The following LRPPRC variants were observed in gnomAD, a reference collection of about 807,000 sequenced individuals.
LRPPRC encodes the protein leucine rich pentatricopeptide repeat containing, also known as leucine-rich PPR motif-containing protein, mitochondrial.
LRPPRC carries 120 observed loss-of-function variants against 180.3 expected under a neutral mutation model. That is an observed-to-expected ratio of 0.67 (90% confidence interval 0.57 to 0.77). The LOEUF (loss-of-function observed/expected upper bound fraction) is 0.77. Ranked by LOEUF, LRPPRC falls within the 30% of genes least tolerant of loss-of-function variation. The pLI, the probability that LRPPRC is intolerant of heterozygous loss-of-function variation, is 0.00. For missense variants in LRPPRC, 2,012 were observed against 1,657.2 expected (o/e 1.21, Z -3.72); for synonymous variants, 723 against 600.0 (o/e 1.21, Z -3.00).
intron 25 of LRPPRC, 75 bp from the exon 26 acceptor site, chr2:43,926,036 T>C (rs976774721): frequency 4.6e-6 from 4 of 875,344 alleles, no homozygotes; most frequent in Admixed American, 1.8e-5. Flanking sequence ...CAAAGACAGT[T>C]TCTTTTCTTA....
At chr2:43,927,973 TA>T (rs1671949898) in intron 25 of LRPPRC, among the ~76,000 whole-genome samples, 1 of 152,262 alleles carries the variant, frequency 6.6e-6, no homozygotes, top group African/African-American at 2.4e-5. Context: ...GAAAATGTAA[TA>T]AAAACATGGA....
chr2:43,915,226 TCTCTCTCA>T lies in LRPPRC; in HGVS notation c.3149-2676_3149-2669del, dbSNP rs1168607310. ...CTCTCTCTCTCTCTCTCTCTCTCTC[TCTCTCTCA>T]CACACACACACACACACACACACAC... On this transcript the variant is annotated intron_variant, in intron 29 of 37. Transcript: ENST00000260665. Among the ~76,000 whole-genome samples, 566 of 83,996 alleles carry T rather than the reference TCTCTCTCA, an allele frequency of 6.7e-3. 1 individual carries two copies. Among genetic ancestry groups the T allele is most frequent in the East Asian group, 9.8e-3 (29 of 2,974 alleles). 55.1% of individuals were successfully genotyped at this position (83,996 alleles called of 152,430 possible).
rs1364754898 is a variant in LRPPRC at position 43,995,976 on chromosome 2, C to A, written c.-29G>T. On this transcript the variant is annotated 5_prime_UTR_variant, in exon 1 of 38. Transcript: ENST00000260665. ...TCGAACGTCCCCGCAGCGGGAAGCACGCTCCGCCAGAAGGACAGGAGGAGC... is the reference window on the plus strand; with the variant it reads ...TCGAACGTCCCCGCAGCGGGAAGCAAGCTCCGCCAGAAGGACAGGAGGAGC... 6.6e-7 allele frequency: 1 copy of A among 1,523,304 alleles called. No individual in the cohort carries two copies. Among genetic ancestry groups the A allele is most frequent in the Non-Finnish European group, 8.8e-7 (1 of 1,141,992 alleles). 94.4% of individuals were successfully genotyped at this position (1,523,304 alleles called of 1,614,324 possible).
At chr2:43,939,198 A>G (rs1672385258) in intron 23 of LRPPRC, among the ~76,000 whole-genome samples, 1 of 151,656 alleles carries the variant, frequency 6.6e-6, no homozygotes, top group South Asian at 2.1e-4. Flanking sequence ...GGAGAATGGC[A>G]TCAACCCAGG....
intron 35 of LRPPRC, among the ~76,000 whole-genome samples, chr2:43,895,500 G>A (rs1490297657): frequency 1.3e-5 from 2 of 152,156 alleles, no homozygotes; most frequent in African/African-American, 4.8e-5. Context: ...CAGTCCCACA[G>A]GTGGACTGAC....
At chr2:43,985,284 A>G (rs550840718) in intron 1 of LRPPRC, among the ~76,000 whole-genome samples, 1 of 152,212 alleles carries the variant, frequency 6.6e-6, no homozygotes, top group Non-Finnish European at 1.5e-5. Context: ...CATTTCCCCT[A>G]GTAACATTTT....
intron 27 of LRPPRC, among the ~76,000 whole-genome samples, chr2:43,919,561 C>G (rs1671622766): frequency 1.3e-5 from 2 of 152,168 alleles, no homozygotes; most frequent in Admixed American, 6.5e-5. Context: ...AGGCAGATCC[C>G]TTCATATTGA....
chr2:43,991,975 G>A (rs1403349148), intron 1 of LRPPRC, among the ~76,000 whole-genome samples: 2 of 152,124 alleles, frequency 1.3e-5, no homozygotes, highest in Non-Finnish European at 2.9e-5. Flanking sequence ...ACAAACATTT[G>A]ACACCTACTA....
In LRPPRC at chr2:43,925,153, TCA is replaced by T; in HGVS notation, c.2808_2809del (p.Glu937AsnfsTer14). Reference sequence around the variant, plus strand: ...CAGCTCCACTAATTTTTCCAGAGTTTCAACCTTAAAAGTAAGATTAAGAGATA... The same window carrying T: ...CAGCTCCACTAATTTTTCCAGAGTTTACCTTAAAAGTAAGATTAAGAGATA... On this transcript the variant is annotated frameshift_variant and splice_region_variant, in exon 27 of 38. Coordinates refer to ENST00000260665, the MANE Select transcript of LRPPRC (RefSeq NM_133259.4). LOFTEE classifies it high-confidence loss of function. 1 of 1,552,118 alleles carries T rather than the reference TCA, an allele frequency of 6.4e-7. No individual in the cohort carries two copies. The highest frequency in any genetic ancestry group is 8.9e-7 in the Non-Finnish European group (1 of 1,123,684).
At position 43,935,108 on chromosome 2, in the gene LRPPRC, C is replaced by G. The variant is rs141043630; in HGVS notation, c.2505-230G>C. On this transcript the variant is annotated intron_variant, in intron 23 of 37. Transcript: ENST00000260665. ...CAATCCACTATTTACCCTGCTTCATCTTTTATTATTTCGTGTGTTAAAGGG... is the reference window on the plus strand; with the variant it reads ...CAATCCACTATTTACCCTGCTTCATGTTTTATTATTTCGTGTGTTAAAGGG... 1.3e-4 allele frequency among the ~76,000 whole-genome samples: 20 copies of G among 152,278 alleles called. 1 individual carries two copies. The East Asian group carries it at 3.9e-3, about 29-fold the overall frequency.
intron 36 of LRPPRC, chr2:43,892,600 T>TG: frequency 6.6e-6 from 1 of 152,180 alleles, no homozygotes; most frequent in Non-Finnish European, 1.5e-5. Flanking sequence ...ACAGGGAGAT[T>TG]AATGTTGTTC....
rs1673913905 is a variant in LRPPRC at position 43,973,600 on chromosome 2, A to C, written c.1369+7T>G. On this transcript the variant is annotated splice_region_variant and intron_variant, in intron 11 of 37. Transcript: ENST00000260665. Reference sequence around the variant, plus strand: ...CCATTACAAATCGGTAAAAGGCAAAATCTAACCTTGAACATTTTTTTCCTT... The same window carrying C: ...CCATTACAAATCGGTAAAAGGCAAACTCTAACCTTGAACATTTTTTTCCTT... 1.2e-6 allele frequency: 2 copies of C among 1,600,554 alleles called. No individual in the cohort carries two copies. Among genetic ancestry groups the C allele is most frequent in the Non-Finnish European group, 1.7e-6 (2 of 1,167,638 alleles).
intron 7 of LRPPRC, 116 bp from the exon 8 acceptor site, chr2:43,974,874 C>A: frequency 8.9e-7 from 1 of 1,120,362 alleles, no homozygotes; most frequent in Non-Finnish European, 1.3e-6. Context: ...TAAAGGTTTA[C>A]GACTTCTTTT....
intron 29 of LRPPRC, 103 bp from the exon 30 acceptor site, chr2:43,912,661 T>A: frequency 1.2e-6 from 1 of 869,326 alleles, no homozygotes; most frequent in East Asian, 2.6e-5. Context: ...ATATTTTTGC[T>A]TTTTAATACC....
chr2:43,979,853 T>G lies in LRPPRC; in HGVS notation c.442A>C (p.Arg148=), dbSNP rs138378033. The G allele has an allele frequency of 1.6e-5, 26 of 1,613,326 alleles. No homozygotes were observed. In the East Asian group the frequency reaches 5.1e-4, roughly 32 times the overall value. ...KLEERTEFAH[R]IWDTLQKLGA... Reference sequence around the variant, plus strand: ...AATTTCTGAAGTGTGTCCCATATCCTATGAGCAAATTCTGTTCTCTCTTCA... The same window carrying G: ...AATTTCTGAAGTGTGTCCCATATCCGATGAGCAAATTCTGTTCTCTCTTCA... Residue 148 remains arginine (R), a synonymous_variant, in exon 3 of 38, where the codon AGG becomes CGG. Transcript: ENST00000260665.
Position 43,995,791 on chromosome 2 carries a change from G to A in LRPPRC, c.149+8C>T, listed in dbSNP as rs548205703. 1.7e-4 allele frequency: 242 copies of A among 1,383,556 alleles called. 2 individuals are homozygous for A. In the African/African-American group the frequency reaches 3.1e-3, roughly 18 times the overall value. 85.7% of individuals were successfully genotyped at this position (1,383,556 alleles called of 1,614,324 possible). A position where few individuals can be genotyped will look rare whatever the true frequency, so the allele number is the denominator to read the frequency against. ...CAGCTTGCCTGGAGAAAGGGCCTGG[G>A]CACTCACCCGGCCACGGGCCCGGCG... On this transcript the variant is annotated splice_region_variant and intron_variant, in intron 1 of 37. Transcript: ENST00000260665.
Position 43,974,721 on chromosome 2 carries a change from A to G in LRPPRC, c.902T>C (p.Met301Thr), listed in dbSNP as rs763045895. 1.2e-6 allele frequency: 2 copies of G among 1,613,804 alleles called. No homozygotes were observed. The highest frequency in any genetic ancestry group is 1.7e-5 in the Admixed American group (1 of 60,018). Residue 301 changes from methionine (M) to threonine (T), a missense_variant, in exon 8 of 38, where the codon ATG becomes ACG. By Grantham distance (81) the Met-to-Thr change is moderately conservative. Coordinates refer to ENST00000260665, the MANE Select transcript of LRPPRC (RefSeq NM_133259.4). ...EKVEKSELHL[M>T]DRDLLQIIFS... ...AATAATTTGCAGTAAATCACGGTCC[A>G]TAAGGTGAAGCTCGGACTTCTCCAC...
chr2:43,993,751 A>C (rs1674892298), intron 1 of LRPPRC, among the ~76,000 whole-genome samples: 1 of 145,548 alleles, frequency 6.9e-6, no homozygotes, highest in Admixed American at 6.8e-5. Context: ...AAAAAAAAAA[A>C]CCAGAGAAAT....
chr2:43,959,970 C>T (rs183850591), intron 13 of LRPPRC, among the ~76,000 whole-genome samples: 28 of 152,304 alleles, frequency 1.8e-4, no homozygotes, highest in African/African-American at 6.5e-4. Flanking sequence ...TGGTTCAAAT[C>T]ACTAACCTTG....
Sources: allele counts gnomAD v4.1 joint callset (sites outside exome capture counted in the v4.1 genomes callset), GRCh38; gene constraint gnomAD v4.1.1; transcripts MANE v1.5; gene names NCBI Gene and HGNC (gene_info 2026-07-23, HGNC 2026-07-21).